Variants in LRPPRC observed in about 807,000 individuals in gnomAD.
LRPPRC encodes the protein leucine-rich PPR motif-containing protein, mitochondrial.
A neutral mutation model predicts 180.3 loss-of-function variants in LRPPRC; 120 were observed. The observed-to-expected ratio is 0.67, with a 90% CI of 0.57 to 0.77. LRPPRC has a LOEUF of 0.77. LRPPRC is among the 30% of genes least tolerant of loss of function. The pLI is 0.00. For synonymous variants in LRPPRC, 723 were observed against 600.0 expected, an observed-to-expected ratio of 1.21 and a Z score of -3.00; for missense variants, 2,012 against 1,657.2, an observed-to-expected ratio of 1.21 and a Z score of -3.72.
chr2:43,960,767 T>C lies in LRPPRC; in HGVS notation c.1489-133A>G, dbSNP rs17578702. ...CTAGAAAAATAGATAAGCTCAGTAA[T>C]TGAATTTTAGCAAAAATTTAAAGAT... is the stretch of plus-strand genomic sequence containing the variant. On this transcript the variant is annotated intron_variant, in intron 12 of 37. Transcript: ENST00000260665. 17,195 of 684,224 alleles carry C rather than the reference T, an allele frequency of 0.025. 1,743 individuals carry two copies. Among genetic ancestry groups the C allele is most frequent in the East Asian group, 0.2 (7,778 of 38,264 alleles). The allele number at this position is 684,224 out of a possible 1,614,324, so 42.4% of individuals were successfully genotyped here.
At chr2:43,917,563 G>A (rs1346264243) in intron 29 of LRPPRC, among the ~76,000 whole-genome samples, 1 of 152,020 alleles carries the variant, frequency 6.6e-6, no homozygotes, top group Non-Finnish European at 1.5e-5. Context: ...GCCGAGGTGG[G>A]CAGATCACGA....
chr2:43,989,303 C>T (rs756974542), intron 1 of LRPPRC, among the ~76,000 whole-genome samples: 1 of 152,168 alleles, frequency 6.6e-6, no homozygotes, highest in Non-Finnish European at 1.5e-5. Flanking sequence ...AGCTACTAGC[C>T]ACCCTTCTAC....
At chr2:43,915,915 G>A (rs1446806432) in intron 29 of LRPPRC, among the ~76,000 whole-genome samples, 2 of 151,974 alleles carry the variant, frequency 1.3e-5, no homozygotes, top group Non-Finnish European at 2.9e-5. Flanking sequence ...ATAGTCCTGT[G>A]CCACCAAGCC....
upstream of LRPPRC, chr2:43,995,990 G>C: frequency 2.0e-6 from 3 of 1,520,624 alleles, no homozygotes; most frequent in South Asian, 2.4e-5. Context: ...CCGCCAGAAG[G>C]ACAGGAGGAG....
At chr2:43,904,755 T>C (rs1572900015) in intron 31 of LRPPRC, 1 of 146,122 alleles carries the variant, frequency 6.8e-6, no homozygotes, top group African/African-American at 2.5e-5. Context: ...AACCAGAACA[T>C]GCAGTGAGGA....
intron 14 of LRPPRC, among the ~76,000 whole-genome samples, chr2:43,951,225 A>G (rs960183454): frequency 7.2e-5 from 11 of 152,242 alleles, no homozygotes; most frequent in Admixed American, 6.5e-4. Context: ...CCAGCAGGGG[A>G]TAACTTGAAG....
chr2:43,889,001 T>G (rs1378986233), intron 37 of LRPPRC, among the ~76,000 whole-genome samples: 1 of 152,156 alleles, frequency 6.6e-6, no homozygotes, highest in African/African-American at 2.4e-5. Context: ...AAAAAGGAAT[T>G]GTGCATATGT....
At chr2:43,955,340 A>C (rs770412901) in intron 14 of LRPPRC, among the ~76,000 whole-genome samples, 23 of 151,908 alleles carry the variant, frequency 1.5e-4, no homozygotes, top group Non-Finnish European at 2.6e-4. Context: ...GTGGTAGTGC[A>C]CACCTGTAGT....
chr2:43,972,685 G>A (rs1207629039), intron 11 of LRPPRC, among the ~76,000 whole-genome samples: 6 of 152,088 alleles, frequency 3.9e-5, no homozygotes, highest in Non-Finnish European at 8.8e-5. Context: ...AAACAATTAG[G>A]GAATACTTGT....
chr2:43,970,636 G>A (rs1355183474), intron 11 of LRPPRC, among the ~76,000 whole-genome samples: 1 of 152,122 alleles, frequency 6.6e-6, no homozygotes, highest in Non-Finnish European at 1.5e-5. Context: ...CAATCTAGAG[G>A]AAAGTCTCCA....
rs769158010 is a variant in LRPPRC at position 43,995,882 on chromosome 2, G to A, written c.66C>T (p.Leu22=). The A allele has an allele frequency of 4.3e-5, 65 of 1,507,728 alleles. No individual in the cohort carries two copies. In the African/African-American group the frequency reaches 6.3e-4, roughly 15 times the overall value. The allele number at this position is 1,507,728 out of a possible 1,614,324, so 93.4% of individuals were successfully genotyped here. A position where few individuals can be genotyped will look rare whatever the true frequency, so the allele number is the denominator to read the frequency against. The change falls in exon 1 of 38, where the codon CTC becomes CTT. Residue 22 remains leucine (L), a synonymous_variant. Coordinates refer to ENST00000260665, the MANE Select transcript of LRPPRC (RefSeq NM_133259.4). The part of the protein sequence containing the change: ...LRAGAAPRLP[L]SLRLLPGGPG... Reference sequence around the variant, plus strand: ...GGCCGCCAGGGAGGAGGCGCAGGGAGAGCGGGAGGCGCGGGGCCGCCCCGG... The same window carrying A: ...GGCCGCCAGGGAGGAGGCGCAGGGAAAGCGGGAGGCGCGGGGCCGCCCCGG...
intron 34 of LRPPRC, among the ~76,000 whole-genome samples, chr2:43,898,804 C>T (rs545415189): frequency 6.6e-6 from 1 of 152,224 alleles, no homozygotes; most frequent in Non-Finnish European, 1.5e-5. Context: ...ACATTTCCTA[C>T]TTTTTGTTTG....
chr2:43,943,400 A>G (rs982550214), intron 23 of LRPPRC, among the ~76,000 whole-genome samples: 1 of 152,080 alleles, frequency 6.6e-6, no homozygotes, highest in Non-Finnish European at 1.5e-5. Context: ...ATATTTATTA[A>G]TAACACTTAT....
rs768509632 is a variant in LRPPRC, at chr2:43,974,230, G to A, written c.1075C>T (p.Leu359=). 22 of 1,610,676 alleles carry A rather than the reference G, an allele frequency of 1.4e-5. No individual in the cohort carries two copies. In the Admixed American group the frequency reaches 2.0e-4, roughly 15 times the overall value. ...KLEDVALQIL[L]ACPVSKEDGP... ...TCTTCCTTTGATACGGGGCATGCTA[G>A]TAAAATTTGCAACGCTACATCTTCC... The change falls in exon 9 of 38, where the codon CTA becomes TTA. Residue 359 remains leucine (L), a synonymous_variant. Transcript: ENST00000260665.
At chr2:43,960,013 C>T (rs938653339) in intron 13 of LRPPRC, among the ~76,000 whole-genome samples, 2 of 152,212 alleles carry the variant, frequency 1.3e-5, no homozygotes, top group Non-Finnish European at 2.9e-5. Flanking sequence ...TGCCTTTAGT[C>T]ATCTATCAAT....
At chr2:43,994,488 C>CT (rs1674931125) in intron 1 of LRPPRC, among the ~76,000 whole-genome samples, 1 of 152,186 alleles carries the variant, frequency 6.6e-6, no homozygotes, top group Non-Finnish European at 1.5e-5. Context: ...AACACTACTA[C>CT]TACTCCCACC....
At chr2:43,963,843 A>G (rs1673451648) in intron 11 of LRPPRC, 137 bp from the exon 12 acceptor site, 1 of 723,472 alleles carries the variant, frequency 1.4e-6, no homozygotes, top group South Asian at 1.5e-5. Flanking sequence ...AAAAGGCAGA[A>G]AAGAAACACT....
rs201339004 is a variant in LRPPRC at position 43,963,655 on chromosome 2, T to C, written c.1421A>G (p.Gln474Arg). The change falls in exon 12 of 38, where the codon CAG becomes CGG. Residue 474 changes from glutamine to arginine, a missense_variant. Physicochemically the swap from Gln to Arg is conservative, Grantham distance 43. Coordinates refer to ENST00000260665, the MANE Select transcript of LRPPRC (RefSeq NM_133259.4). ...AATCACATAATCTGTATATGTTTCC[T>C]GATCAGGATGTACTCCCAATTCTTG... ...GMQELGVHPD[Q>R]ETYTDYVIPC... 36 of 1,612,184 alleles carry C rather than the reference T, an allele frequency of 2.2e-5. 1 individual carries two copies. In the South Asian group the frequency reaches 2.6e-4, roughly 12 times the overall value.
intron 34 of LRPPRC, among the ~76,000 whole-genome samples, chr2:43,898,071 T>TAAAAAAAA (rs61550367): frequency 2.5e-4 from 29 of 115,520 alleles, no homozygotes; most frequent in African/African-American, 3.2e-4. Context: ...TCCTTAAAAT[T>TAAAAAAAA]AAAAAAAAAA....
Sources: gnomAD v4.1 joint callset for allele counts (sites outside exome capture counted in the v4.1 genomes callset) on GRCh38, gnomAD v4.1.1 for gene constraint, MANE v1.5 for transcripts, NCBI Gene and HGNC (gene_info 2026-07-23, HGNC 2026-07-21) for gene names.